PRKAG2: variants seen among roughly 807,000 people sequenced by gnomAD.
PRKAG2 encodes the protein protein kinase AMP-activated non-catalytic subunit gamma 2, also known as 5'-AMP-activated protein kinase subunit gamma-2.
Under a neutral mutation model 69.6 loss-of-function variants are expected in PRKAG2, and 26 were observed. That is an observed-to-expected ratio of 0.37 (90% confidence interval 0.27 to 0.52). The LOEUF is 0.52. Among genes scored for constraint, PRKAG2 ranks in the 20% least tolerant of loss-of-function variants. The probability of loss-of-function intolerance (pLI) is 0.90; values close to 1 mark genes in which losing one functional copy is unlikely to be tolerated. For missense variants in PRKAG2, 557 were observed against 740.0 expected, an observed-to-expected ratio of 0.75 and a Z score of 2.87; for synonymous variants, 293 against 285.0, an observed-to-expected ratio of 1.03 and a Z score of -0.28.
chr7:151,817,121 C>T (rs980730853), intron 1 of PRKAG2, among the ~76,000 whole-genome samples: 3 of 152,206 alleles, frequency 2.0e-5, no homozygotes, highest in Non-Finnish European at 4.4e-5. Context: ...CTCCTCGCTT[C>T]CAGAACCTCC....
At chr7:151,707,395 C>T (rs997333251) in intron 3 of PRKAG2, among the ~76,000 whole-genome samples, 1 of 152,156 alleles carries the variant, frequency 6.6e-6, no homozygotes, top group Non-Finnish European at 1.5e-5. Flanking sequence ...TCCTACTAAA[C>T]GGTGGTCGGA....
At chr7:151,621,300 C>T (rs1563276827) in intron 5 of PRKAG2, among the ~76,000 whole-genome samples, 1 of 152,154 alleles carries the variant, frequency 6.6e-6, no homozygotes, top group Non-Finnish European at 1.5e-5. Context: ...AAAAGTTTTA[C>T]AGAATTCATC....
chr7:151,831,681 C>T (rs189477496), intron 1 of PRKAG2, among the ~76,000 whole-genome samples: 477 of 152,160 alleles, frequency 3.1e-3, no homozygotes, highest in Non-Finnish European at 4.8e-3. Context: ...TTTGTATGTT[C>T]CCCCCCTTGC....
chr7:151,744,022 G>A (rs890539647), intron 3 of PRKAG2, among the ~76,000 whole-genome samples: 1 of 152,218 alleles, frequency 6.6e-6, no homozygotes, highest in Non-Finnish European at 1.5e-5. Flanking sequence ...AGAGAGATGA[G>A]GAAGGAGAGG....
chr7:151,871,218 G>A (rs1248641923), intron 1 of PRKAG2, among the ~76,000 whole-genome samples: 1 of 152,232 alleles, frequency 6.6e-6, no homozygotes, highest in East Asian at 1.9e-4. Context: ...AAGGGAGAAA[G>A]AGCACGCTTG....
intron 5 of PRKAG2, among the ~76,000 whole-genome samples, chr7:151,622,786 T>C (rs371390224): frequency 2.0e-5 from 3 of 152,328 alleles, no homozygotes; most frequent in South Asian, 2.1e-4. Flanking sequence ...GGGCAAAGTC[T>C]GACAGTGCAG....
intron 5 of PRKAG2, among the ~76,000 whole-genome samples, chr7:151,599,702 C>G (rs1346333579): frequency 6.6e-6 from 1 of 152,170 alleles, no homozygotes; most frequent in East Asian, 1.9e-4. Flanking sequence ...CTAAAGCTGT[C>G]CCTAATCTGA....
chr7:151,591,892 C>G (rs1012170926), intron 6 of PRKAG2, among the ~76,000 whole-genome samples: 20 of 152,162 alleles, frequency 1.3e-4, no homozygotes, highest in Non-Finnish European at 1.9e-4. Context: ...GAAACAGTTC[C>G]TGGCCGACTG....
At chr7:151,575,124 A>G (rs1808582362) in intron 7 of PRKAG2, among the ~76,000 whole-genome samples, 175 bp from the exon 8 acceptor site, 1 of 152,214 alleles carries the variant, frequency 6.6e-6, no homozygotes, top group African/African-American at 2.4e-5. Flanking sequence ...TGTATACCAA[A>G]CTGGATATAC....
intron 4 of PRKAG2, among the ~76,000 whole-genome samples, chr7:151,645,330 G>A (rs564066486): frequency 9.2e-5 from 14 of 152,272 alleles, no homozygotes; most frequent in East Asian, 1.9e-4. Context: ...CAGTCTAACC[G>A]CTTGCAAGGA....
chr7:151,625,886 A>C (rs1484494033), intron 5 of PRKAG2, among the ~76,000 whole-genome samples: 1 of 152,248 alleles, frequency 6.6e-6, no homozygotes, highest in East Asian at 1.9e-4. Flanking sequence ...TGTAGGCCTC[A>C]GACAGGGCAG....
At chr7:151,798,975 C>T (rs1245286894) in intron 1 of PRKAG2, among the ~76,000 whole-genome samples, 2 of 152,198 alleles carry the variant, frequency 1.3e-5, no homozygotes, top group Non-Finnish European at 1.5e-5. Flanking sequence ...GCCTCATCCC[C>T]AGGCCACCGC....
chr7:151,763,271 T>G (rs1048494502), intron 3 of PRKAG2, among the ~76,000 whole-genome samples: 10 of 152,274 alleles, frequency 6.6e-5, no homozygotes, highest in Non-Finnish European at 1.3e-4. Context: ...GCGGGTCTCC[T>G]GCTGTCCTGC....
At chr7:151,575,773 C>G (rs553721893) in intron 7 of PRKAG2, among the ~76,000 whole-genome samples, 1 of 151,610 alleles carries the variant, frequency 6.6e-6, no homozygotes, top group East Asian at 1.9e-4. Flanking sequence ...GTTCATTGGG[C>G]TGGTAAAGAC....
chr7:151,632,405 G>T lies in PRKAG2; in HGVS notation c.685-267C>A, dbSNP rs986018765. The T allele has an allele frequency of 5.5e-4, 277 of 507,908 alleles. No individual in the cohort carries two copies. Among genetic ancestry groups the T allele is most frequent in the Non-Finnish European group, 6.6e-4 (262 of 394,968 alleles). The allele number at this position is 507,908 out of a possible 1,614,324, so 31.5% of individuals were successfully genotyped here. On this transcript the variant is annotated intron_variant, in intron 4 of 15. Transcript: ENST00000287878. This position sits in a 1 kb window ranked among gnomAD's most constrained non-coding sequence, Gnocchi z 4.2. ...ACGCGCCGCTCCCCCCCGCGCCTTG[G>T]TACGGCCCGCCCGGGAGGAAGCGTG...
intron 1 of PRKAG2, among the ~76,000 whole-genome samples, chr7:151,794,045 T>A (rs1425175054): frequency 6.6e-6 from 1 of 152,144 alleles, no homozygotes; most frequent in African/African-American, 2.4e-5. Context: ...TGTTTTTCAC[T>A]CCTATGGCCA....
intron 6 of PRKAG2, among the ~76,000 whole-genome samples, chr7:151,595,078 G>A (rs756918799): frequency 2.0e-5 from 3 of 152,114 alleles, no homozygotes; most frequent in African/African-American, 7.2e-5. Flanking sequence ...GATTACAGAC[G>A]TGAGCCACTG....
chr7:151,670,287 C>A (rs536117180), intron 4 of PRKAG2, among the ~76,000 whole-genome samples: 6 of 152,186 alleles, frequency 3.9e-5, no homozygotes, highest in Admixed American at 2.6e-4. Flanking sequence ...GGAATCACCC[C>A]TGATTTGTCT....
At chr7:151,575,841 A>AACG (rs1428202666) in intron 7 of PRKAG2, among the ~76,000 whole-genome samples, 2 of 150,460 alleles carry the variant, frequency 1.3e-5, no homozygotes, top group African/African-American at 4.9e-5. Flanking sequence ...CAACAACAAC[A>AACG]ACAACAAAAG....
Sources: gnomAD v4.1 joint callset for allele counts (sites outside exome capture counted in the v4.1 genomes callset) on GRCh38, gnomAD v4.1.1 for gene constraint, Gnocchi (gnomAD v3.1) non-coding constraint, MANE v1.5 for transcripts, NCBI Gene and HGNC (gene_info 2026-07-23, HGNC 2026-07-21) for gene names.